GRIA3: variants seen among roughly 807,000 people sequenced by gnomAD.
The protein encoded by GRIA3 is glutamate ionotropic receptor AMPA type subunit 3.
In GRIA3, 3 loss-of-function variants were observed where a neutral mutation model predicts 63.0. That is an observed-to-expected ratio of 0.05 (90% confidence interval 0.02 to 0.12). GRIA3 has a LOEUF of 0.12. GRIA3 is among the 10% of genes least tolerant of loss of function. The pLI is 1.00. For synonymous variants in GRIA3, 274 were observed against 257.9 expected, an observed-to-expected ratio of 1.06 and a Z score of -0.60; for missense variants, 347 against 700.9, an observed-to-expected ratio of 0.50 and a Z score of 5.70.
intron 3 of GRIA3, among the ~76,000 whole-genome samples, chrX:123,312,398 T>C (rs1286233652): frequency 8.9e-6 from 1 of 111,931 alleles, no homozygotes; most frequent in Non-Finnish European, 1.9e-5. Context: ...TGAGTCTTAA[T>C]GAATGAAAGG....
At chrX:123,210,367 C>T (rs778635792) in intron 2 of GRIA3, among the ~76,000 whole-genome samples, 2 of 110,666 alleles carry the variant, frequency 1.8e-5, no homozygotes, top group Admixed American at 1.9e-4. Flanking sequence ...AGCTGTTTTT[C>T]AATTGTTTAT....
intron 12 of GRIA3, among the ~76,000 whole-genome samples, chrX:123,452,498 A>G (rs1259849199): frequency 5.4e-5 from 6 of 111,414 alleles, no homozygotes; most frequent in East Asian, 5.7e-4. Flanking sequence ...TAACAGCCAC[A>G]GTGGAAACAA....
chrX:123,184,521 C>T lies in GRIA3; in HGVS notation c.-15C>T. Reference sequence around the variant, plus strand: ...GTTGCGCCCATGCTCTTGTCAGCTTCGTTTTAGGCGTAGCATGGCCAGGCA... The same window carrying T: ...GTTGCGCCCATGCTCTTGTCAGCTTTGTTTTAGGCGTAGCATGGCCAGGCA... On this transcript the variant is annotated 5_prime_UTR_variant, in exon 1 of 16. Transcript: ENST00000620443. 8.6e-7 allele frequency: 1 copy of T among 1,166,325 alleles called. No individual in the cohort carries two copies. The highest frequency in any genetic ancestry group is 1.2e-6 in the Non-Finnish European group (1 of 854,477).
At chrX:123,480,649 C>T (rs980756764) in intron 14 of GRIA3, among the ~76,000 whole-genome samples, 2 of 111,730 alleles carry the variant, frequency 1.8e-5, no homozygotes, top group African/African-American at 3.3e-5. Flanking sequence ...AACAGTCAAA[C>T]GAATAAATAA....
chrX:123,421,938 A>G (rs986771329), intron 11 of GRIA3, among the ~76,000 whole-genome samples: 4 of 111,896 alleles, frequency 3.6e-5, no homozygotes, highest in African/African-American at 6.5e-5. Context: ...TTTTTCCAAT[A>G]TCACAGACAA....
intron 11 of GRIA3, among the ~76,000 whole-genome samples, chrX:123,420,116 A>G (rs773977942): frequency 5.4e-5 from 6 of 111,922 alleles, no homozygotes; most frequent in Admixed American, 9.5e-5. Context: ...GTTTTGGTAA[A>G]CTTGAACATT....
chrX:123,254,934 G>A (rs2044411273), intron 3 of GRIA3, among the ~76,000 whole-genome samples: 1 of 111,136 alleles, frequency 9.0e-6, no homozygotes, highest in South Asian at 3.8e-4. Context: ...TTTGTATCTT[G>A]CTACTAATCG....
At chrX:123,385,499 A>G (rs1460319621) in intron 5 of GRIA3, among the ~76,000 whole-genome samples, 1 of 112,048 alleles carries the variant, frequency 8.9e-6, no homozygotes, top group African/African-American at 3.2e-5. Flanking sequence ...AGGAATTTTA[A>G]AATAATTTTT....
At chrX:123,204,348 T>A in intron 2 of GRIA3, 1 of 1,020,627 alleles carries the variant, frequency 9.8e-7, no homozygotes, top group Non-Finnish European at 1.4e-6. Context: ...GACCCCATGA[T>A]GTGGCTCATC....
chrX:123,256,750 T>C (rs1409819691), intron 3 of GRIA3, among the ~76,000 whole-genome samples: 1 of 111,891 alleles, frequency 8.9e-6, no homozygotes, highest in East Asian at 2.8e-4. Context: ...GGAAGTCACA[T>C]GATCTACATT....
chrX:123,214,737 T>A (rs1402991342), intron 2 of GRIA3, among the ~76,000 whole-genome samples: 2 of 112,172 alleles, frequency 1.8e-5, no homozygotes, highest in African/African-American at 6.5e-5. Context: ...AGGAAAGAAA[T>A]CAATTTATTT....
At chrX:123,219,347 C>T (rs2147264680) in intron 2 of GRIA3, among the ~76,000 whole-genome samples, 1 of 112,009 alleles carries the variant, frequency 8.9e-6, no homozygotes, top group South Asian at 3.8e-4. Flanking sequence ...CATCTATAAA[C>T]TTGCCTTCCT....
chrX:123,184,697 C>T, intron 1 of GRIA3, 53 bp downstream of exon 1: 1 of 874,678 alleles, frequency 1.1e-6, no homozygotes, highest in Non-Finnish European at 1.7e-6. Context: ...CCCGAGACCA[C>T]TGCCCCGGCA....
intron 2 of GRIA3, among the ~76,000 whole-genome samples, chrX:123,240,223 G>A (rs1285181765): frequency 8.9e-6 from 1 of 112,063 alleles, no homozygotes; most frequent in Non-Finnish European, 1.9e-5. Context: ...GACCTCCTTG[G>A]CACAAAGTTT....
At chrX:123,427,548 T>C (rs983955221) in intron 11 of GRIA3, among the ~76,000 whole-genome samples, 1 of 111,525 alleles carries the variant, frequency 9.0e-6, no homozygotes, top group Non-Finnish European at 1.9e-5. Flanking sequence ...TATTTTTTCC[T>C]GTAATTAAAA....
At position 123,236,771 on chromosome X, in the gene GRIA3, T is replaced by C. The variant is rs911500613; in HGVS notation, c.269-16532T>C. Among the ~76,000 whole-genome samples, 3 of 111,447 alleles carry C rather than the reference T, an allele frequency of 2.7e-5. No individual in the cohort carries two copies. The Admixed American group carries it at 2.9e-4, about 11-fold the overall frequency. On this transcript the variant is annotated intron_variant, in intron 2 of 15. Transcript: ENST00000620443. ...AGATTATCAGCAGTGACTTACGAAA[T>C]AGAACTAGAGAATTCCTCATCTCAG...
rs2285127 is a variant in GRIA3 at position 123,202,596 on chromosome X, T to A, written c.268+16606T>A. Reference sequence around the variant, plus strand: ...CCACCCTTCCGCTGAAGGAGACCTATGGCCAGAAGCAGCTTCCCCTCACCT... The same window carrying A: ...CCACCCTTCCGCTGAAGGAGACCTAAGGCCAGAAGCAGCTTCCCCTCACCT... On this transcript the variant is annotated intron_variant, in intron 2 of 15. Coordinates refer to ENST00000620443, the MANE Select transcript of GRIA3 (RefSeq NM_007325.5). The A allele has an allele frequency of 8.8e-4, 1,011 of 1,152,103 alleles. 3 individuals are homozygous for A. The South Asian group carries it at 0.011, about 12-fold the overall frequency. The allele number at this position is 1,152,103 out of a possible 1,213,427, so 94.9% of individuals were successfully genotyped here.
intron 2 of GRIA3, among the ~76,000 whole-genome samples, chrX:123,229,545 A>G (rs1381297520): frequency 8.9e-6 from 1 of 112,141 alleles, no homozygotes; most frequent in Non-Finnish European, 1.9e-5. Context: ...TATTTAGGGG[A>G]TCTGTGCCTC....
rs377490923 is a variant in GRIA3, at chrX:123,490,452, T to C, written c.*1742T>C. On this transcript the variant is annotated 3_prime_UTR_variant, in exon 16 of 16. Coordinates refer to ENST00000620443, the MANE Select transcript of GRIA3 (RefSeq NM_007325.5). ...GATTTTCAACTTATGAATGCTATAA[T>C]GTCCCAGCGCGGGAAGCTCACGCTG... 1.5e-4 allele frequency: 17 copies of C among 112,702 alleles called. No homozygotes were observed. The highest frequency in any genetic ancestry group is 5.6e-4 in the East Asian group (2 of 3,587). The allele number at this position is 112,702 out of a possible 1,213,427, so 9.3% of individuals were successfully genotyped here.
Sources: allele counts gnomAD v4.1 joint callset (sites outside exome capture counted in the v4.1 genomes callset), GRCh38; gene constraint gnomAD v4.1.1; transcripts MANE v1.5; gene names NCBI Gene and HGNC (gene_info 2026-07-23, HGNC 2026-07-21).